STK32B: variants seen among roughly 807,000 people sequenced by gnomAD.
The protein encoded by STK32B is serine/threonine-protein kinase 32B.
In STK32B, 43 loss-of-function variants were observed where a neutral mutation model predicts 52.6. The ratio of observed to expected loss-of-function variants is 0.82; its 90% CI spans 0.64 to 1.05. The LOEUF is 1.05. Ranked by LOEUF, STK32B falls within the 50% of genes least tolerant of loss-of-function variation. STK32B has a pLI of 0.00. For missense variants in STK32B, 621 were observed against 534.6 expected (o/e 1.16, Z -1.59); for synonymous variants, 238 against 204.3 (o/e 1.17, Z -1.41).
At chr4:5,403,126 T>C (rs889801528) in intron 5 of STK32B, among the ~76,000 whole-genome samples, 3 of 152,216 alleles carry the variant, frequency 2.0e-5, no homozygotes, top group African/African-American at 7.2e-5. Context: ...TGGACTGCCC[T>C]GCCCAGGGCT....
chr4:5,348,973 G>A (rs774590371), intron 4 of STK32B, among the ~76,000 whole-genome samples: 14 of 152,150 alleles, frequency 9.2e-5, no homozygotes, highest in Non-Finnish European at 1.5e-4. Flanking sequence ...GCCACCTGTA[G>A]GTCTGAGGGC....
upstream of STK32B, among the ~76,000 whole-genome samples, chr4:5,047,926 A>C (rs183958092): frequency 7.2e-5 from 11 of 152,278 alleles, no homozygotes; most frequent in African/African-American, 2.6e-4. Context: ...CAATCCAGTA[A>C]GTGTCTTTTC....
intron 2 of STK32B, among the ~76,000 whole-genome samples, chr4:5,146,199 C>T (rs1220881442): frequency 1.3e-5 from 2 of 152,070 alleles, no homozygotes; most frequent in Non-Finnish European, 2.9e-5. Context: ...AATTGCCTCA[C>T]ATGATCACAA....
chr4:5,137,594 C>G (rs1375955232), intron 1 of STK32B, among the ~76,000 whole-genome samples: 1 of 152,104 alleles, frequency 6.6e-6, no homozygotes, highest in Admixed American at 6.5e-5. Flanking sequence ...AATGTAGGCC[C>G]CATTTTCCCT....
chr4:5,122,750 C>G (rs1030126930), intron 1 of STK32B, among the ~76,000 whole-genome samples: 1 of 152,204 alleles, frequency 6.6e-6, no homozygotes, highest in Non-Finnish European at 1.5e-5. Flanking sequence ...GGTCCTGGCT[C>G]TCATTGAGGT....
intron 3 of STK32B, among the ~76,000 whole-genome samples, chr4:5,247,880 C>G (rs945179981): frequency 6.6e-6 from 1 of 152,110 alleles, no homozygotes; most frequent in African/African-American, 2.4e-5. Flanking sequence ...GCTTTACAGT[C>G]TCAGTTGCAG....
intron 1 of STK32B, among the ~76,000 whole-genome samples, chr4:5,083,220 A>G (rs1269163508): frequency 6.6e-6 from 1 of 152,176 alleles, no homozygotes; most frequent in Non-Finnish European, 1.5e-5. Context: ...CCTTGGGATG[A>G]CTAAAATTTA....
chr4:5,193,926 C>T (rs1316357680), intron 3 of STK32B, among the ~76,000 whole-genome samples: 2 of 152,330 alleles, frequency 1.3e-5, no homozygotes, highest in East Asian at 1.9e-4. Context: ...GATATCCTTT[C>T]CCTACTCCGC....
chr4:5,280,274 CTA>C (rs1202016727), intron 3 of STK32B, among the ~76,000 whole-genome samples: 5 of 152,238 alleles, frequency 3.3e-5, no homozygotes, highest in African/African-American at 1.2e-4. Context: ...ATTGTCTTTG[CTA>C]AAGCATAGCA....
At chr4:5,127,349 G>A (rs1361716148) in intron 1 of STK32B, among the ~76,000 whole-genome samples, 1 of 152,210 alleles carries the variant, frequency 6.6e-6, no homozygotes, top group African/African-American at 2.4e-5. Flanking sequence ...TAACCAGGCA[G>A]CTCTTGAGTG....
chr4:5,027,057 G>A, the STK32B span, among the ~76,000 whole-genome samples: 1 of 152,212 alleles, frequency 6.6e-6, no homozygotes, highest in African/African-American at 2.4e-5. Context: ...AGGAGGTGTT[G>A]GGGTTGGGGT....
chr4:5,406,428 TG>T (rs758392026), intron 5 of STK32B, among the ~76,000 whole-genome samples: 7 of 152,152 alleles, frequency 4.6e-5, no homozygotes, highest in Non-Finnish European at 1.0e-4. Flanking sequence ...AGTGCCCCAG[TG>T]GGGACTTTCT....
At chr4:5,227,339 A>T (rs1577215502) in intron 3 of STK32B, among the ~76,000 whole-genome samples, 1 of 152,214 alleles carries the variant, frequency 6.6e-6, no homozygotes, top group Non-Finnish European at 1.5e-5. Context: ...TGATTTTTGT[A>T]ACACAATATA....
chr4:5,031,048 A>G, the STK32B span, among the ~76,000 whole-genome samples: 1 of 152,126 alleles, frequency 6.6e-6, no homozygotes, highest in Non-Finnish European at 1.5e-5. Context: ...GGGAGAGGTG[A>G]TGTTGAAGCT....
intron 4 of STK32B, among the ~76,000 whole-genome samples, chr4:5,332,544 G>A (rs1430202545): frequency 1.3e-5 from 2 of 151,956 alleles, no homozygotes; most frequent in African/African-American, 4.8e-5. Flanking sequence ...TTTGCACAAT[G>A]TGCAGGTTAG....
intron 11 of STK32B, among the ~76,000 whole-genome samples, chr4:5,497,085 A>G (rs1289010106): frequency 6.6e-6 from 1 of 152,174 alleles, no homozygotes; most frequent in Non-Finnish European, 1.5e-5. Flanking sequence ...TCAATGAGCT[A>G]TCATATCTTA....
At chr4:5,317,636 C>T (rs1438347085) in intron 3 of STK32B, among the ~76,000 whole-genome samples, 1 of 146,048 alleles carries the variant, frequency 6.8e-6, no homozygotes, top group Non-Finnish European at 1.5e-5. Context: ...TGCCCTGGAC[C>T]AGGCCCTGAG....
At chr4:5,146,350 C>A (rs1716914526) in intron 2 of STK32B, among the ~76,000 whole-genome samples, 2 of 152,154 alleles carry the variant, frequency 1.3e-5, no homozygotes, top group Admixed American at 1.3e-4. Context: ...GAGCCCCTGG[C>A]AAACCACTGG....
At chr4:5,466,659 G>A (rs1226254989) in intron 9 of STK32B, 44 bp from the exon 10 acceptor site, 5 of 1,570,414 alleles carry the variant, frequency 3.2e-6, no homozygotes, top group Non-Finnish European at 4.3e-6. Context: ...TCAGTGATGG[G>A]TGGAACGCAG....
Sources: allele counts gnomAD v4.1 joint callset (sites outside exome capture counted in the v4.1 genomes callset), GRCh38; gene constraint gnomAD v4.1.1; transcripts MANE v1.5; gene names NCBI Gene and HGNC (gene_info 2026-07-23, HGNC 2026-07-21).